The following CLMN variants were observed in gnomAD, a reference collection of about 807,000 sequenced individuals.
CLMN encodes the protein calmin.
In CLMN, 57 loss-of-function variants were observed where a neutral mutation model predicts 92.7. That is an observed-to-expected ratio of 0.61 (90% CI 0.50 to 0.77). CLMN has a LOEUF of 0.77. Among genes scored for constraint, CLMN ranks in the 30% least tolerant of loss-of-function variants. The probability of loss-of-function intolerance (pLI) is 0.00; values close to 1 mark genes in which losing one functional copy is unlikely to be tolerated. For synonymous variants in CLMN, 466 were observed against 470.6 expected, an observed-to-expected ratio of 0.99 and a Z score of 0.13; for missense variants, 1,158 against 1,237.5, an observed-to-expected ratio of 0.94 and a Z score of 0.96.
At chr14:95,219,298 C>A (rs1158564014) in intron 4 of CLMN, among the ~76,000 whole-genome samples, 3 of 152,188 alleles carry the variant, frequency 2.0e-5, no homozygotes, top group Non-Finnish European at 2.9e-5. Flanking sequence ...ATTTAGAGGT[C>A]AATACGGTGG....
At chr14:95,247,041 T>C (rs1898600727) in intron 1 of CLMN, among the ~76,000 whole-genome samples, 1 of 152,140 alleles carries the variant, frequency 6.6e-6, no homozygotes, top group South Asian at 2.1e-4. Flanking sequence ...GTCAGTGACA[T>C]CACCAGACAG....
chr14:95,229,995 C>A lies in CLMN; in HGVS notation c.144+77G>T, dbSNP rs549785970. On this transcript the variant is annotated intron_variant, in intron 2 of 12. Coordinates refer to ENST00000298912, the MANE Select transcript of CLMN (RefSeq NM_024734.4). ...ACAGAAAGAGCACAGGTCACCAGCTCCCCCTCCACTCTCTGGAACTGTAAA... is the reference window on the plus strand; with the variant it reads ...ACAGAAAGAGCACAGGTCACCAGCTACCCCTCCACTCTCTGGAACTGTAAA... The A allele has an allele frequency of 1.2e-3, 1,643 of 1,354,806 alleles. 3 individuals are homozygous for A. Among genetic ancestry groups the A allele is most frequent in the Non-Finnish European group, 1.6e-3 (1,498 of 944,558 alleles). The allele number at this position is 1,354,806 out of a possible 1,614,324, so 83.9% of individuals were successfully genotyped here.
At chr14:95,319,648 C>T in intron 1 of CLMN, 63 bp downstream of exon 1, 1 of 1,371,364 alleles carries the variant, frequency 7.3e-7, no homozygotes, top group Non-Finnish European at 1.0e-6. Context: ...TGCCAAGTGT[C>T]GGAGCGGCGC....
chr14:95,305,102 A>G (rs1003159015), intron 1 of CLMN, among the ~76,000 whole-genome samples: 2 of 152,246 alleles, frequency 1.3e-5, no homozygotes, highest in African/African-American at 4.8e-5. Flanking sequence ...AAGGGTGCAC[A>G]GGTCCATCAC....
At chr14:95,265,854 A>C (rs147373666) in intron 1 of CLMN, among the ~76,000 whole-genome samples, 3 of 152,332 alleles carry the variant, frequency 2.0e-5, no homozygotes, top group African/African-American at 7.2e-5. Flanking sequence ...CTTGAGTTTG[A>C]ATGTAATCAG....
chr14:95,257,828 G>C (rs772918289), intron 1 of CLMN, among the ~76,000 whole-genome samples: 6 of 152,262 alleles, frequency 3.9e-5, no homozygotes, highest in Non-Finnish European at 7.3e-5. Context: ...TTCCCTGAGA[G>C]ATTTGGACTC....
chr14:95,200,754 C>G (rs993511377), intron 9 of CLMN, among the ~76,000 whole-genome samples: 7 of 152,096 alleles, frequency 4.6e-5, no homozygotes, highest in Non-Finnish European at 7.4e-5. Flanking sequence ...AGCGCATGTC[C>G]CCTTATGCTA....
chr14:95,212,418 C>T (rs961136934), intron 6 of CLMN, among the ~76,000 whole-genome samples: 9 of 152,172 alleles, frequency 5.9e-5, no homozygotes, highest in African/African-American at 2.2e-4. Context: ...TGTGGGCCTG[C>T]TGCTGGTAAA....
At chr14:95,300,051 C>T (rs1900979540) in intron 1 of CLMN, among the ~76,000 whole-genome samples, 1 of 152,228 alleles carries the variant, frequency 6.6e-6, no homozygotes, top group Non-Finnish European at 1.5e-5. Flanking sequence ...CTCTACAGAG[C>T]GAGACGCTCA....
chr14:95,211,102 C>T (rs1897185677), intron 6 of CLMN, among the ~76,000 whole-genome samples: 2 of 152,204 alleles, frequency 1.3e-5, no homozygotes, highest in African/African-American at 2.4e-5. Context: ...AACAAAGAGG[C>T]AAAATAGGAC....
At chr14:95,220,376 C>T (rs1478684587) in intron 4 of CLMN, among the ~76,000 whole-genome samples, 1 of 152,086 alleles carries the variant, frequency 6.6e-6, no homozygotes, top group African/African-American at 2.4e-5. Flanking sequence ...GGCGTTTCAT[C>T]ATGTTGGCCA....
chr14:95,229,007 G>A (rs181623298), intron 2 of CLMN, among the ~76,000 whole-genome samples: 20 of 152,280 alleles, frequency 1.3e-4, no homozygotes, highest in Middle Eastern at 3.4e-3. Flanking sequence ...GAAGAGAGAC[G>A]ATTACCTACA....
At chr14:95,255,785 T>G (rs1376020005) in intron 1 of CLMN, among the ~76,000 whole-genome samples, 1 of 152,156 alleles carries the variant, frequency 6.6e-6, no homozygotes, top group African/African-American at 2.4e-5. Context: ...TCTTAACCAC[T>G]CAACAGTTCT....
At position 95,203,881 on chromosome 14, in the gene CLMN, C is replaced by T. The variant is rs370412408; in HGVS notation, c.1468G>A (p.Ala490Thr). 5 of 1,614,176 alleles carry T rather than the reference C, an allele frequency of 3.1e-6. No individual in the cohort carries two copies. Among genetic ancestry groups the T allele is most frequent in the Admixed American group, 1.7e-5 (1 of 60,024 alleles). The part of the protein sequence containing the change: ...KIPESSSDKV[A>T]GDIFLVEGTN... ...CCCTCCACCAAAAAAATGTCACCAG[C>T]GACCTTGTCAGAGGAGGATTCTGGA... The change falls in exon 9 of 13, where the codon GCT (alanine) becomes ACT (threonine). Residue 490 changes from alanine (A) to threonine (T), a missense_variant. By Grantham distance (58) the Ala-to-Thr change is moderately conservative. Transcript: ENST00000298912.
rs12893595 is a variant in CLMN, at chr14:95,183,066, G to A, written c.*8498C>T. Reference sequence around the variant, plus strand: ...ATTGAGATAAATAAAAACTACCTTCGTAACCTTTGGATTTTTAAACTTAGA... The same window carrying A: ...ATTGAGATAAATAAAAACTACCTTCATAACCTTTGGATTTTTAAACTTAGA... On this transcript the variant is annotated 3_prime_UTR_variant, in exon 13 of 13. Transcript: ENST00000298912. 0.08 allele frequency: 12,195 copies of A among 152,218 alleles called. 742 individuals carry two copies. The highest frequency in any genetic ancestry group is 0.16 in the African/African-American group (6,843 of 41,494). The allele number at this position is 152,218 out of a possible 1,614,324, so 9.4% of individuals were successfully genotyped here.
At chr14:95,245,189 TA>T (rs1898428984) in intron 1 of CLMN, among the ~76,000 whole-genome samples, 4 of 38,068 alleles carry the variant, frequency 1.1e-4, no homozygotes, top group African/African-American at 2.4e-4. Context: ...TATATATATA[TA>T]TATAATATAT....
chr14:95,214,088 C>T (rs913390504), intron 5 of CLMN, among the ~76,000 whole-genome samples: 5 of 151,986 alleles, frequency 3.3e-5, no homozygotes, highest in Non-Finnish European at 7.4e-5. Flanking sequence ...GGAGCTCTTG[C>T]ATCACCTTCT....
In CLMN at chr14:95,232,787, TGCA is replaced by T. The variant is rs202077733; in HGVS notation, c.83-2657_83-2655del. Among the ~76,000 whole-genome samples the T allele has an allele frequency of 4.0e-3, 611 of 152,328 alleles. 5 individuals are homozygous for T. The highest frequency in any genetic ancestry group is 0.014 in the African/African-American group (571 of 41,572). On this transcript the variant is annotated intron_variant, in intron 1 of 12. Transcript: ENST00000298912. Reference sequence around the variant, plus strand: ...AGCTCTATCGGAGATCCTTCCACTTTGCAATATGGATCCACTTTATTCTCTCTG... The same window carrying T: ...AGCTCTATCGGAGATCCTTCCACTTTATATGGATCCACTTTATTCTCTCTG...
chr14:95,231,440 C>T (rs1227700911), intron 1 of CLMN, among the ~76,000 whole-genome samples: 1 of 152,062 alleles, frequency 6.6e-6, no homozygotes. Flanking sequence ...CCTCGGGATC[C>T]GCCCACCTCG....
Sources: allele counts gnomAD v4.1 joint callset (sites outside exome capture counted in the v4.1 genomes callset), GRCh38; gene constraint gnomAD v4.1.1; transcripts MANE v1.5; gene names NCBI Gene and HGNC (gene_info 2026-07-23, HGNC 2026-07-21).